The following TTLL6 variants were observed in gnomAD, a reference collection of about 807,000 sequenced individuals.
The protein encoded by TTLL6 is tubulin tyrosine ligase like 6, also known as tubulin polyglutamylase TTLL6.
TTLL6 carries 75 observed loss-of-function variants against 96.4 expected under a neutral mutation model. The ratio of observed to expected loss-of-function variants is 0.78; its 90% confidence interval spans 0.65 to 0.94. The LOEUF (loss-of-function observed/expected upper bound fraction) is 0.94, where lower values mean the gene tolerates loss of function less well. Among genes scored for constraint, TTLL6 ranks in the 40% least tolerant of loss-of-function variants. The pLI is 0.00. For missense variants in TTLL6, 1,030 were observed against 1,093.0 expected (o/e 0.94, Z 0.81); for synonymous variants, 411 against 419.4 (o/e 0.98, Z 0.24).
chr17:48,768,994 T>G lies in TTLL6; in HGVS notation c.2671A>C (p.Ser891Arg), dbSNP rs370309410. Residue 891 changes from serine (S) to arginine (R), a missense_variant, in exon 15 of 16, where the codon AGC (serine) becomes CGC (arginine). Transcript: ENST00000393382. ...GGGAATATGTGTGGGCCTACCTAGCTCCTCTCACATCCTTTTTGGCCAGAG... is the reference window on the plus strand; with the variant it reads ...GGGAATATGTGTGGGCCTACCTAGCGCCTCTCACATCCTTTTTGGCCAGAG... ...LISGQKGCER[S>R] 3.0e-5 allele frequency: 48 copies of G among 1,613,714 alleles called. No individual in the cohort carries two copies. Among genetic ancestry groups the G allele is most frequent in the Non-Finnish European group, 4.0e-5 (47 of 1,179,762 alleles).
At chr17:48,768,901 T>C (rs539427893) in intron 15 of TTLL6, 88 bp downstream of exon 15, 1 of 1,363,770 alleles carries the variant, frequency 7.3e-7, no homozygotes, top group African/African-American at 1.4e-5. Flanking sequence ...TATCAATCCA[T>C]CCATCCTCCT....
At chr17:48,773,092 T>A (rs1232028691) in intron 13 of TTLL6, among the ~76,000 whole-genome samples, 1 of 72,934 alleles carries the variant, frequency 1.4e-5, no homozygotes, top group Admixed American at 1.9e-4. Flanking sequence ...ATGGGCTTAA[T>A]GGCAGACAAA....
In TTLL6 at chr17:48,791,386, G is replaced by A; in HGVS notation, c.1216C>T (p.Leu406=). ...ILLDHKLKPW[L]LEVNHSPSFS... ...CGCCCAAACTTCCCTACCTCCAGCAGCCAGGGTTTGAGTTTGTGGTCCAAC... is the reference window on the plus strand; with the variant it reads ...CGCCCAAACTTCCCTACCTCCAGCAACCAGGGTTTGAGTTTGTGGTCCAAC... Residue 406 remains leucine, a synonymous_variant, in exon 9 of 16, where the codon CTG becomes TTG. Transcript: ENST00000393382. 1 of 1,613,984 alleles carries A rather than the reference G, an allele frequency of 6.2e-7. No homozygotes were observed. The highest frequency in any genetic ancestry group is 8.5e-7 in the Non-Finnish European group (1 of 1,179,926).
Position 48,817,078 on chromosome 17 carries a change from G to T in TTLL6, c.-6C>A. 2 of 1,539,190 alleles carry T rather than the reference G, an allele frequency of 1.3e-6. No individual in the cohort carries two copies. The highest frequency in any genetic ancestry group is 2.5e-5 in the East Asian group (1 of 40,012). Reference sequence around the variant, plus strand: ...TGAAGGAGTAACGCTCCCATTGGCTGCCAGACAGCCCCAACCCCAACCCGC... The same window carrying T: ...TGAAGGAGTAACGCTCCCATTGGCTTCCAGACAGCCCCAACCCCAACCCGC... On this transcript the variant is annotated 5_prime_UTR_variant, in exon 1 of 16. Coordinates refer to ENST00000393382, the MANE Select transcript of TTLL6 (RefSeq NM_001130918.3).
intron 13 of TTLL6, among the ~76,000 whole-genome samples, chr17:48,770,746 C>G (rs936051342): frequency 6.6e-6 from 1 of 151,784 alleles, no homozygotes; most frequent in Non-Finnish European, 1.5e-5. Flanking sequence ...CTCCTGGGTT[C>G]AAGTGATCGG....
At chr17:48,787,272 G>A (rs9906942) in intron 11 of TTLL6, among the ~76,000 whole-genome samples, 46,253 of 152,110 alleles carry the variant, frequency 0.3, 7,284 homozygotes, top group Admixed American at 0.41. Context: ...GCAGCTTTGA[G>A]GGGGTGGCTA....
At chr17:48,808,746 T>G (rs1343230398) in intron 1 of TTLL6, among the ~76,000 whole-genome samples, 1 of 152,116 alleles carries the variant, frequency 6.6e-6, no homozygotes, top group Non-Finnish European at 1.5e-5. Flanking sequence ...TTTTTTTGTA[T>G]TTTTAGTAGA....
In TTLL6 at chr17:48,786,105, G is replaced by C. The variant is rs932658127; in HGVS notation, c.1761+59C>G. 3.7e-6 allele frequency: 6 copies of C among 1,605,656 alleles called. No individual in the cohort carries two copies. In the East Asian group the frequency reaches 1.3e-4, roughly 36 times the overall value. On this transcript the variant is annotated intron_variant, in intron 12 of 15. Coordinates refer to ENST00000393382, the MANE Select transcript of TTLL6 (RefSeq NM_001130918.3). ...AGTGGTCTCCTCAGCACCCCTCCAC[G>C]GATCAGGCCCAGGTGGGGAAGGGTG...
At chr17:48,784,885 T>A (rs2039057078) in intron 13 of TTLL6, 38 bp downstream of exon 13, 1 of 1,572,412 alleles carries the variant, frequency 6.4e-7, no homozygotes, top group African/African-American at 1.3e-5. Context: ...TAAGCAAGAC[T>A]CCCACCACTC....
At position 48,789,916 on chromosome 17, in the gene TTLL6, G is replaced by A. The variant is rs777337460; in HGVS notation, c.1400+15C>T. ...CAGAGAGAGAGCCCCGCAAGGCTGG[G>A]GAGTGCGAATGTACCTCATCTCCCG... On this transcript the variant is annotated intron_variant, in intron 10 of 15. Coordinates refer to ENST00000393382, the MANE Select transcript of TTLL6 (RefSeq NM_001130918.3). 6.2e-7 allele frequency: 1 copy of A among 1,613,330 alleles called. No homozygotes were observed. Among genetic ancestry groups the A allele is most frequent in the Admixed American group, 1.7e-5 (1 of 59,978 alleles).
intron 10 of TTLL6, among the ~76,000 whole-genome samples, chr17:48,788,996 A>C (rs1363878945): frequency 1.3e-5 from 2 of 152,118 alleles, no homozygotes; most frequent in African/African-American, 4.8e-5. Context: ...CAGACACTAG[A>C]ATCACTCTTC....
intron 13 of TTLL6, among the ~76,000 whole-genome samples, chr17:48,776,499 C>T (rs2038875427): frequency 6.6e-6 from 1 of 152,052 alleles, no homozygotes; most frequent in Non-Finnish European, 1.5e-5. Context: ...AGATAGTATA[C>T]ATTAATCATT....
intron 15 of TTLL6, among the ~76,000 whole-genome samples, chr17:48,764,234 A>C (rs563020020): frequency 6.6e-6 from 1 of 152,324 alleles, no homozygotes; most frequent in East Asian, 1.9e-4. Flanking sequence ...ACCCACTGTG[A>C]AAGTGGGTCC....
chr17:48,785,190 T>C lies in TTLL6; in HGVS notation c.1773A>G (p.Pro591=), dbSNP rs747273622. 2 of 1,614,148 alleles carry C rather than the reference T, an allele frequency of 1.2e-6. No homozygotes were observed. The highest frequency in any genetic ancestry group is 2.2e-5 in the East Asian group (1 of 44,878). Reference sequence around the variant, plus strand: ...CAGGTGTGTAGGATACTAATGTCAATGGCTGGATGTACTGAGGGAGGAAGA... The same window carrying C: ...CAGGTGTGTAGGATACTAATGTCAACGGCTGGATGTACTGAGGGAGGAAGA... ...ATQASKQYIQ[P]LTLVSYTPDL... is the part of the protein sequence containing the mutation. The change falls in exon 13 of 16, where the codon CCA becomes CCG. Residue 591 remains proline (P), a synonymous_variant. Transcript: ENST00000393382.
intron 13 of TTLL6, among the ~76,000 whole-genome samples, chr17:48,772,121 A>AAAAAG (rs551782668): frequency 6.6e-5 from 10 of 152,130 alleles, no homozygotes; most frequent in South Asian, 2.1e-4. Flanking sequence ...AGATATGCAA[A>AAAAAG]AAAAGAAAAG....
In TTLL6 at chr17:48,769,975, C is replaced by T. The variant is rs1001689123; in HGVS notation, c.2163G>A (p.Val721=). 1.2e-6 allele frequency: 2 copies of T among 1,613,978 alleles called. No homozygotes were observed. Among genetic ancestry groups the T allele is most frequent in the Admixed American group, 3.3e-5 (2 of 59,976 alleles). ...SEYSGPETDR[V]VSFKCKKQQT... ...GCTGCTTCTTGCATTTAAAGGATAC[C>T]ACCCTGTCCGTCTCTGGGCCACTGT... Residue 721 remains valine (V), a synonymous_variant, in exon 14 of 16, where the codon GTG becomes GTA. Coordinates refer to ENST00000393382, the MANE Select transcript of TTLL6 (RefSeq NM_001130918.3).
chr17:48,781,857 G>T (rs970354802), intron 13 of TTLL6, among the ~76,000 whole-genome samples: 6 of 152,126 alleles, frequency 3.9e-5, no homozygotes, highest in African/African-American at 1.4e-4. Context: ...GCTTCAGAGA[G>T]TTAACTAGCT....
chr17:48,807,836 G>GTTTTGT (rs764986348), intron 1 of TTLL6, among the ~76,000 whole-genome samples: 7 of 151,482 alleles, frequency 4.6e-5, no homozygotes, highest in Admixed American at 1.3e-4. Flanking sequence ...TGTTTGTTTT[G>GTTTTGT]TTTTGTTTTT....
At chr17:48,782,230 C>T (rs1373604880) in intron 13 of TTLL6, among the ~76,000 whole-genome samples, 9 of 151,758 alleles carry the variant, frequency 5.9e-5, no homozygotes, top group African/African-American at 1.5e-4. Context: ...CTCAGCTCCC[C>T]GAGTAGCTGG....
Sources: allele counts gnomAD v4.1 joint callset (sites outside exome capture counted in the v4.1 genomes callset), GRCh38; gene constraint gnomAD v4.1.1; transcripts MANE v1.5; gene names NCBI Gene and HGNC (gene_info 2026-07-23, HGNC 2026-07-21).